DEDD: variants seen among roughly 807,000 people sequenced by gnomAD.
DEDD encodes death effector domain-containing protein.
A neutral mutation model predicts 29.2 loss-of-function variants in DEDD; 3 were observed. That is an observed-to-expected ratio of 0.10 (90% confidence interval 0.05 to 0.27). The LOEUF (loss-of-function observed/expected upper bound fraction) is 0.27, where lower values mean the gene tolerates loss of function less well. Among genes scored for constraint, DEDD ranks in the 10% least tolerant of loss-of-function variants. DEDD has a pLI of 1.00. For missense variants in DEDD, 261 were observed against 420.5 expected (o/e 0.62, Z 3.32); for synonymous variants, 152 against 161.3 (o/e 0.94, Z 0.44).
At position 161,122,024 on chromosome 1, in the gene DEDD, TAA is replaced by T. The variant is rs34197267; in HGVS notation, c.*121_*122del. The T allele has an allele frequency of 0.014, 14,324 of 1,044,806 alleles. No homozygotes were observed. Among genetic ancestry groups the T allele is most frequent in the South Asian group, 0.018 (926 of 50,324 alleles). 64.7% of individuals were successfully genotyped at this position (1,044,806 alleles called of 1,614,324 possible). The stretch of plus-strand genomic sequence containing the variant: ...TTCCACTTTCTTTTGTCTTTTTCTT[TAA>T]AAAAAAAAAAAAAAAGGCAGGGGTG... On this transcript the variant is annotated 3_prime_UTR_variant, in exon 6 of 6. Coordinates refer to ENST00000368006, the MANE Select transcript of DEDD (RefSeq NM_032998.3). The surrounding 1 kb of genome is among the most constrained non-coding windows in gnomAD (Gnocchi z 4.2).
At position 161,121,069 on chromosome 1, in the gene DEDD, GTGTC is replaced by G; in HGVS notation, c.*1074_*1077del. ...GAAAAATATAATAATCATAAAGTCT[GTGTC>G]TGGACATCGCCTTTGGGAACTAGAA... On this transcript the variant is annotated 3_prime_UTR_variant, in exon 6 of 6. Transcript: ENST00000368006. 3.3e-6 allele frequency: 4 copies of G among 1,212,536 alleles called. No homozygotes were observed. The highest frequency in any genetic ancestry group is 3.1e-6 in the Non-Finnish European group (3 of 965,744). 75.1% of individuals were successfully genotyped at this position (1,212,536 alleles called of 1,614,324 possible).
intron 2 of DEDD, among the ~76,000 whole-genome samples, chr1:161,128,546 G>A (rs1656374186): frequency 6.6e-6 from 1 of 152,068 alleles, no homozygotes; most frequent in South Asian, 2.1e-4. Flanking sequence ...AGCTGCAGTG[G>A]GATGTGATAG....
chr1:161,131,841 G>A (rs1656693709), intron 1 of DEDD, among the ~76,000 whole-genome samples: 1 of 151,802 alleles, frequency 6.6e-6, no homozygotes, highest in Non-Finnish European at 1.5e-5. Context: ...CTCCACCGGG[G>A]AAAGGGAAAC....
At chr1:161,129,519 T>A in intron 2 of DEDD, among the ~76,000 whole-genome samples, 1 of 139,132 alleles carries the variant, frequency 7.2e-6, no homozygotes. Context: ...CAGCCTGGGG[T>A]ACAGAGTGAG....
chr1:161,129,539 CAAAAA>C (rs71579693), intron 2 of DEDD, among the ~76,000 whole-genome samples: 2 of 70,246 alleles, frequency 2.8e-5, no homozygotes. Context: ...GACCTTGCCT[CAAAAA>C]AAAAAAAAAA....
intron 4 of DEDD, among the ~76,000 whole-genome samples, 164 bp from the exon 5 acceptor site, chr1:161,123,385 A>G (rs1480794672): frequency 6.6e-6 from 1 of 152,216 alleles, no homozygotes; most frequent in Non-Finnish European, 1.5e-5. Context: ...CACGCCTGTA[A>G]TCCCAGCACT....
chr1:161,129,098 T>G (rs901644786), intron 2 of DEDD, among the ~76,000 whole-genome samples: 1 of 152,206 alleles, frequency 6.6e-6, no homozygotes, highest in Non-Finnish European at 1.5e-5. Flanking sequence ...TGGAACTGGA[T>G]GAGCAGCAAA....
intron 2 of DEDD, among the ~76,000 whole-genome samples, chr1:161,127,814 C>T (rs2101758732): frequency 6.6e-6 from 1 of 152,264 alleles, no homozygotes; most frequent in South Asian, 2.1e-4. Context: ...GTTCCCTATC[C>T]CACCTGTTCC....
Position 161,123,153 on chromosome 1 carries a change from G to C in DEDD, c.502C>G (p.Arg168Gly). Residue 168 changes from arginine (R) to glycine (G), a missense_variant, in exon 5 of 6, where the codon CGA becomes GGA. Physicochemically the swap from Arg to Gly is moderately radical, Grantham distance 125 (BLOSUM62 -2). Coordinates refer to ENST00000368006, the MANE Select transcript of DEDD (RefSeq NM_032998.3). ...GPQMCSKRPA[R>G]GRATLGSQRK... ...TGGCTCCCAAGTGTGGCTCTCCCTC[G>C]GGCTGGCCGCTTGCTACACATCTGA... is the stretch of plus-strand genomic sequence containing the variant. 6.2e-7 allele frequency: 1 copy of C among 1,614,122 alleles called. No homozygotes were observed. Among genetic ancestry groups the C allele is most frequent in the Admixed American group, 1.7e-5 (1 of 60,014 alleles).
Position 161,121,582 on chromosome 1 carries a change from A to C in DEDD, c.*565T>G, listed in dbSNP as rs1253152621. 6.5e-6 allele frequency: 1 copy of C among 154,806 alleles called. No individual in the cohort carries two copies. The highest frequency in any genetic ancestry group is 1.4e-5 in the Non-Finnish European group (1 of 69,360). 9.6% of individuals were successfully genotyped at this position (154,806 alleles called of 1,614,324 possible). A position where few individuals can be genotyped will look rare whatever the true frequency, so the allele number is the denominator to read the frequency against. On this transcript the variant is annotated 3_prime_UTR_variant, in exon 6 of 6. Transcript: ENST00000368006. ...ATCAGGCAGAGGTTTCAAGCCATGGAATGGAGGAAAGGCGGCAGAGAGGAG... is the reference window on the plus strand; with the variant it reads ...ATCAGGCAGAGGTTTCAAGCCATGGCATGGAGGAAAGGCGGCAGAGAGGAG...
At chr1:161,123,996 G>T (rs1467889410) in intron 3 of DEDD, 50 bp from the exon 4 acceptor site, 2 of 1,600,922 alleles carry the variant, frequency 1.2e-6, no homozygotes, top group South Asian at 2.3e-5. Context: ...CTTCCCTTCT[G>T]TCAGTCCAAA....
chr1:161,123,065 A>G lies in DEDD; in HGVS notation c.580+10T>C, dbSNP rs1290279376. 16 of 1,613,990 alleles carry G rather than the reference A, an allele frequency of 9.9e-6. No homozygotes were observed. Among genetic ancestry groups the G allele is most frequent in the Non-Finnish European group, 1.3e-5 (15 of 1,180,026 alleles). ...TCTGCTCCATCTCTGGAACCCTTGA[A>G]CTTCCTCACCACATGTCTGCTTCTC... On this transcript the variant is annotated intron_variant, in intron 5 of 5. Coordinates refer to ENST00000368006, the MANE Select transcript of DEDD (RefSeq NM_032998.3).
Position 161,125,883 on chromosome 1 carries a change from G to A in DEDD, c.-64-1357C>T, listed in dbSNP as rs115158964. Among the ~76,000 whole-genome samples, 458 of 152,224 alleles carry A rather than the reference G, an allele frequency of 3.0e-3. 2 individuals are homozygous for A. The highest frequency in any genetic ancestry group is 0.011 in the African/African-American group (437 of 41,532). The stretch of plus-strand genomic sequence containing the variant: ...AATGACCAATCACAGCTCCACATTC[G>A]TTATATAGTTTGGCTCTTGATTCAC... On this transcript the variant is annotated intron_variant, in intron 2 of 5. Coordinates refer to ENST00000368006, the MANE Select transcript of DEDD (RefSeq NM_032998.3).
At chr1:161,129,923 T>C (rs745528095) in intron 2 of DEDD, among the ~76,000 whole-genome samples, 6 of 152,214 alleles carry the variant, frequency 3.9e-5, no homozygotes, top group Non-Finnish European at 7.3e-5. Flanking sequence ...TCCTGGAGTT[T>C]TGCTTTTTTC....
At chr1:161,128,842 A>G (rs1360574514) in intron 2 of DEDD, among the ~76,000 whole-genome samples, 3 of 152,098 alleles carry the variant, frequency 2.0e-5, no homozygotes, top group African/African-American at 7.2e-5. Flanking sequence ...ATACATGTTC[A>G]TTTAACTCCC....
At chr1:161,125,039 T>C (rs1244039425) in intron 2 of DEDD, 1 of 153,716 alleles carries the variant, frequency 6.5e-6, no homozygotes, top group Non-Finnish European at 1.4e-5. Flanking sequence ...AAGGCTGCAG[T>C]GAGCCATAAT....
At chr1:161,129,539 CAA>C (rs71579693) in intron 2 of DEDD, among the ~76,000 whole-genome samples, 39 of 70,196 alleles carry the variant, frequency 5.6e-4, no homozygotes, top group Non-Finnish European at 7.5e-4. Context: ...GACCTTGCCT[CAA>C]AAAAAAAAAA....
At chr1:161,130,120 G>A (rs1251793221) in intron 2 of DEDD, among the ~76,000 whole-genome samples, 1 of 152,062 alleles carries the variant, frequency 6.6e-6, no homozygotes, top group East Asian at 1.9e-4. Context: ...CGACATGAAA[G>A]AAATAAAAAA....
Position 161,122,898 on chromosome 1 carries a change from C to T in DEDD, c.580+177G>A, listed in dbSNP as rs1419009608. On this transcript the variant is annotated intron_variant, in intron 5 of 5. Coordinates refer to ENST00000368006, the MANE Select transcript of DEDD (RefSeq NM_032998.3). This position sits in a 1 kb window ranked among gnomAD's most constrained non-coding sequence, Gnocchi z 4.2. ...ATTAACTAACAAGAGTTGAAATGTA[C>T]CCTGCCACAATCATAAAGAGCAGTT... 3 of 1,185,832 alleles carry T rather than the reference C, an allele frequency of 2.5e-6. No individual in the cohort carries two copies. Among genetic ancestry groups the T allele is most frequent in the Admixed American group, 1.8e-5 (1 of 54,296 alleles). The allele number at this position is 1,185,832 out of a possible 1,614,324, so 73.5% of individuals were successfully genotyped here. A position where few individuals can be genotyped will look rare whatever the true frequency, so the allele number is the denominator to read the frequency against.
Sources: allele counts gnomAD v4.1 joint callset (sites outside exome capture counted in the v4.1 genomes callset), GRCh38; gene constraint gnomAD v4.1.1; non-coding constraint Gnocchi (gnomAD v3.1); transcripts MANE v1.5; gene names NCBI Gene and HGNC (gene_info 2026-07-23, HGNC 2026-07-21).